Variants in CACNA2D3 observed in about 807,000 individuals in gnomAD.
CACNA2D3 encodes voltage-dependent calcium channel subunit alpha-2/delta-3.
Under a neutral mutation model 160.6 loss-of-function variants are expected in CACNA2D3, and 60 were observed. The observed-to-expected ratio is 0.37, with a 90% CI of 0.30 to 0.46. The LOEUF is 0.46. Among genes scored for constraint, CACNA2D3 ranks in the 20% least tolerant of loss-of-function variants. The pLI is 1.00. For synonymous variants in CACNA2D3, 558 were observed against 492.9 expected (o/e 1.13, Z -1.75); for missense variants, 1,205 against 1,365.0 (o/e 0.88, Z 1.85).
intron 3 of CACNA2D3, among the ~76,000 whole-genome samples, chr3:54,382,653 G>A (rs926879102): frequency 6.6e-6 from 1 of 152,144 alleles, no homozygotes; most frequent in Admixed American, 6.5e-5. Flanking sequence ...GAGTGATGGC[G>A]CATGCCTGTA....
chr3:54,426,734 G>C (rs1324289331), intron 4 of CACNA2D3, among the ~76,000 whole-genome samples: 1 of 152,144 alleles, frequency 6.6e-6, no homozygotes, highest in African/African-American at 2.4e-5. Context: ...CTTGTCAGCT[G>C]TCAAATCTGA....
chr3:54,685,133 A>G (rs1264165816), intron 11 of CACNA2D3, among the ~76,000 whole-genome samples: 1 of 152,166 alleles, frequency 6.6e-6, no homozygotes, highest in African/African-American at 2.4e-5. Context: ...GTGGTTCAAC[A>G]GCCGAAAAAT....
intron 27 of CACNA2D3, chr3:54,925,108 G>C: frequency 1.2e-6 from 2 of 1,614,110 alleles, no homozygotes; most frequent in Non-Finnish European, 1.7e-6. Flanking sequence ...GCCAGACCCT[G>C]CTGGCTGCAG....
At chr3:54,507,723 G>T (rs920297673) in intron 5 of CACNA2D3, among the ~76,000 whole-genome samples, 2 of 152,216 alleles carry the variant, frequency 1.3e-5, no homozygotes, top group Admixed American at 6.5e-5. Context: ...ATGGAGGGAG[G>T]CTGGGGCCAG....
At chr3:54,407,748 G>T (rs1699602027) in intron 4 of CACNA2D3, among the ~76,000 whole-genome samples, 1 of 152,150 alleles carries the variant, frequency 6.6e-6, no homozygotes, top group African/African-American at 2.4e-5. Context: ...AAATGAGAGT[G>T]GAAGAAGGGG....
chr3:54,413,422 ATC>A (rs1699703631), intron 4 of CACNA2D3, among the ~76,000 whole-genome samples: 1 of 114,230 alleles, frequency 8.8e-6, no homozygotes, highest in African/African-American at 3.7e-5. Context: ...ATATATAGAT[ATC>A]TATATATATA....
chr3:54,136,686 C>G (rs1240683752), intron 2 of CACNA2D3, among the ~76,000 whole-genome samples: 1 of 152,238 alleles, frequency 6.6e-6, no homozygotes, highest in Non-Finnish European at 1.5e-5. Context: ...CCTGTTTATA[C>G]TGCCGACCCT....
chr3:54,998,773 G>A (rs1370841899), intron 31 of CACNA2D3, among the ~76,000 whole-genome samples: 1 of 150,830 alleles, frequency 6.6e-6, no homozygotes, highest in Non-Finnish European at 1.5e-5. Context: ...TTGAGATGGA[G>A]TCTTGCTCTG....
intron 27 of CACNA2D3, among the ~76,000 whole-genome samples, chr3:54,915,438 A>G (rs1454300873): frequency 1.3e-5 from 2 of 152,208 alleles, no homozygotes; most frequent in African/African-American, 4.8e-5. Flanking sequence ...ACTAAACGTG[A>G]TTTTTGTCCA....
At chr3:54,624,873 C>T (rs1353849200) in intron 9 of CACNA2D3, among the ~76,000 whole-genome samples, 1 of 152,192 alleles carries the variant, frequency 6.6e-6, no homozygotes, top group Non-Finnish European at 1.5e-5. Flanking sequence ...CTTTCAGAGC[C>T]TAAGTCCTCA....
chr3:54,251,042 A>G (rs1203705014), intron 2 of CACNA2D3, among the ~76,000 whole-genome samples: 2 of 152,192 alleles, frequency 1.3e-5, no homozygotes, highest in Admixed American at 6.5e-5. Flanking sequence ...CCTACAGACT[A>G]TGAGCACAGA....
chr3:54,493,563 C>G (rs975893624), intron 4 of CACNA2D3, among the ~76,000 whole-genome samples: 1 of 152,168 alleles, frequency 6.6e-6, no homozygotes, highest in Non-Finnish European at 1.5e-5. Context: ...CTATTCCCTT[C>G]CCTAGTTACC....
chr3:54,914,547 G>A (rs991556880), intron 27 of CACNA2D3, among the ~76,000 whole-genome samples: 34 of 152,170 alleles, frequency 2.2e-4, no homozygotes, highest in Admixed American at 5.9e-4. Flanking sequence ...GTAGATATGA[G>A]TAGTCCAGTT....
At chr3:54,359,652 C>T (rs1391916575) in intron 3 of CACNA2D3, among the ~76,000 whole-genome samples, 2 of 152,194 alleles carry the variant, frequency 1.3e-5, no homozygotes, top group African/African-American at 4.8e-5. Flanking sequence ...AGAAGTGATT[C>T]TTGCTCCTTC....
At chr3:54,190,432 T>G (rs1700958264) in intron 2 of CACNA2D3, among the ~76,000 whole-genome samples, 1 of 152,224 alleles carries the variant, frequency 6.6e-6, no homozygotes, top group Admixed American at 6.5e-5. Flanking sequence ...GCTAAAAGGT[T>G]GTGCTCTAGG....
chr3:54,794,651 T>C (rs182938968), intron 13 of CACNA2D3, among the ~76,000 whole-genome samples: 2 of 152,112 alleles, frequency 1.3e-5, no homozygotes, highest in East Asian at 3.9e-4. Flanking sequence ...TGCCTTCTTT[T>C]AGAGTGTTAT....
intron 3 of CACNA2D3, among the ~76,000 whole-genome samples, chr3:54,343,318 G>T (rs1281750953): frequency 6.6e-6 from 1 of 151,922 alleles, no homozygotes; most frequent in Non-Finnish European, 1.5e-5. Context: ...AAGAGACAGG[G>T]TCTAGATCTG....
At chr3:55,028,997 A>T (rs76337358) in intron 35 of CACNA2D3, among the ~76,000 whole-genome samples, 2 of 152,314 alleles carry the variant, frequency 1.3e-5, no homozygotes, top group East Asian at 3.9e-4. Context: ...CGTGGGCTAC[A>T]GTTCAGAAAA....
chr3:54,270,537 A>G (rs1702601301), intron 2 of CACNA2D3, among the ~76,000 whole-genome samples: 2 of 152,220 alleles, frequency 1.3e-5, no homozygotes, highest in Non-Finnish European at 2.9e-5. Context: ...CTACTCCTGC[A>G]TAACAATTTA....
Sources: allele counts gnomAD v4.1 joint callset (sites outside exome capture counted in the v4.1 genomes callset), GRCh38; gene constraint gnomAD v4.1.1; transcripts MANE v1.5; gene names NCBI Gene and HGNC (gene_info 2026-07-23, HGNC 2026-07-21).